The following NBEA variants were observed in gnomAD, a reference collection of about 807,000 sequenced individuals.
NBEA encodes the protein neurobeachin.
Under a neutral mutation model 343.4 loss-of-function variants are expected in NBEA, and 44 were observed. The ratio of observed to expected loss-of-function variants is 0.13; its 90% CI spans 0.10 to 0.16. The LOEUF is 0.16. NBEA is among the 10% of genes least tolerant of loss of function. NBEA has a pLI of 1.00. For synonymous variants in NBEA, 1,175 were observed against 1,238.7 expected (o/e 0.95, Z 1.08); for missense variants, 2,555 against 3,631.3 (o/e 0.70, Z 7.62).
chr13:35,318,887 C>T (rs1017679189), intron 36 of NBEA, among the ~76,000 whole-genome samples: 21 of 152,142 alleles, frequency 1.4e-4, no homozygotes, highest in African/African-American at 5.1e-4. Context: ...AGTTTATTTG[C>T]ATAGAGGTGT....
chr13:35,161,709 T>G, intron 22 of NBEA, 41 bp from the exon 23 acceptor site: 1 of 1,484,338 alleles, frequency 6.7e-7, no homozygotes, highest in Non-Finnish European at 9.2e-7. Context: ...AATGAGGCAT[T>G]TCTTTTGTAT....
At chr13:35,440,474 C>T (rs112624082) in intron 39 of NBEA, among the ~76,000 whole-genome samples, 2,225 of 152,126 alleles carry the variant, frequency 0.015, 53 homozygotes, top group African/African-American at 0.051. Flanking sequence ...TAAAGAGGGT[C>T]GCCTAACTGA....
At position 35,122,822 on chromosome 13, in the gene NBEA, G is replaced by A. The variant is rs2066878491; in HGVS notation, c.2244-660G>A. On this transcript the variant is annotated intron_variant, in intron 16 of 58. Transcript: ENST00000379939. ...AGCTGTTTAATCCTTCCTTCTGTATGTTGACTAGCCTTTCTGAACAGAAAC... is the reference window on the plus strand; with the variant it reads ...AGCTGTTTAATCCTTCCTTCTGTATATTGACTAGCCTTTCTGAACAGAAAC... Among the ~76,000 whole-genome samples, 5 of 152,298 alleles carry A rather than the reference G, an allele frequency of 3.3e-5. No individual in the cohort carries two copies. The South Asian group carries it at 1.0e-3, about 32-fold the overall frequency.
chr13:35,522,833 C>G (rs1012498273), intron 41 of NBEA, among the ~76,000 whole-genome samples: 1 of 152,098 alleles, frequency 6.6e-6, no homozygotes, highest in Non-Finnish European at 1.5e-5. Flanking sequence ...AGTTTAATCC[C>G]CAGACCACCC....
chr13:35,007,249 G>A (rs979071751), intron 1 of NBEA, among the ~76,000 whole-genome samples: 4 of 151,972 alleles, frequency 2.6e-5, no homozygotes, highest in African/African-American at 4.8e-5. Flanking sequence ...AGGTATGATA[G>A]CCCTATTCAT....
rs554893440 is a variant in NBEA, at chr13:35,666,082, G to A, written c.8464+896G>A. ...GAAAGGAGCCCTGGGTGCTGCTGGAGTATCACCGTGGTGCCACAACCTGGA... is the reference window on the plus strand; with the variant it reads ...GAAAGGAGCCCTGGGTGCTGCTGGAATATCACCGTGGTGCCACAACCTGGA... On this transcript the variant is annotated intron_variant, in intron 56 of 58. Transcript: ENST00000379939. Among the ~76,000 whole-genome samples the A allele has an allele frequency of 3.3e-5, 5 of 152,288 alleles. No individual in the cohort carries two copies. In the East Asian group the frequency reaches 9.7e-4, roughly 29 times the overall value.
At chr13:35,326,003 C>A (rs976705592) in intron 36 of NBEA, among the ~76,000 whole-genome samples, 11 of 151,990 alleles carry the variant, frequency 7.2e-5, no homozygotes, top group African/African-American at 2.7e-4. Flanking sequence ...TTATCCCCTT[C>A]CATTGGTTTG....
chr13:35,377,997 C>T (rs2041834775), intron 38 of NBEA, among the ~76,000 whole-genome samples: 1 of 151,902 alleles, frequency 6.6e-6, no homozygotes, highest in South Asian at 2.1e-4. Context: ...AAAATAGAGC[C>T]CTGTCTTAGT....
intron 16 of NBEA, among the ~76,000 whole-genome samples, chr13:35,119,868 C>T (rs1305700372): frequency 6.6e-6 from 1 of 152,164 alleles, no homozygotes; most frequent in Admixed American, 6.5e-5. Flanking sequence ...GGATTACAGG[C>T]GTAAGCCACC....
At chr13:35,388,652 T>C (rs1302240891) in intron 38 of NBEA, among the ~76,000 whole-genome samples, 3 of 152,194 alleles carry the variant, frequency 2.0e-5, no homozygotes, top group African/African-American at 7.2e-5. Flanking sequence ...TTAAGACTGC[T>C]GTGAAGGGTT....
At chr13:35,077,134 A>C (rs1459963244) in intron 10 of NBEA, among the ~76,000 whole-genome samples, 2 of 152,126 alleles carry the variant, frequency 1.3e-5, no homozygotes, top group Non-Finnish European at 2.9e-5. Context: ...TTAGTAAAGC[A>C]TACTAAGGAG....
intron 55 of NBEA, among the ~76,000 whole-genome samples, chr13:35,659,650 C>G (rs2084976843): frequency 6.6e-6 from 1 of 152,076 alleles, no homozygotes; most frequent in Non-Finnish European, 1.5e-5. Context: ...GATATAGAGT[C>G]TCAGACCATA....
intron 34 of NBEA, among the ~76,000 whole-genome samples, chr13:35,279,566 A>G (rs1479228569): frequency 6.6e-6 from 1 of 152,240 alleles, no homozygotes; most frequent in Non-Finnish European, 1.5e-5. Flanking sequence ...TCAGATTATT[A>G]GCAATAGTCA....
intron 41 of NBEA, among the ~76,000 whole-genome samples, chr13:35,530,348 C>G (rs1052359869): frequency 4.6e-5 from 7 of 152,160 alleles, no homozygotes; most frequent in African/African-American, 1.7e-4. Flanking sequence ...GCGGCCTGTC[C>G]CCAGTGCTTG....
At chr13:35,114,125 G>T (rs2066375623) in intron 13 of NBEA, among the ~76,000 whole-genome samples, 1 of 152,140 alleles carries the variant, frequency 6.6e-6, no homozygotes, top group Admixed American at 6.6e-5. Context: ...GATGTGAGGT[G>T]TGCTTCTTGG....
chr13:35,418,134 G>T (rs2044048791), intron 38 of NBEA, among the ~76,000 whole-genome samples: 1 of 151,968 alleles, frequency 6.6e-6, no homozygotes, highest in Non-Finnish European at 1.5e-5. Flanking sequence ...CTATGTGTGT[G>T]TCTGCATGTG....
At chr13:34,980,734 G>C (rs2152506482) in intron 1 of NBEA, among the ~76,000 whole-genome samples, 1 of 152,208 alleles carries the variant, frequency 6.6e-6, no homozygotes, top group East Asian at 1.9e-4. Flanking sequence ...TTACAATTAA[G>C]ATGTTAGCTA....
intron 38 of NBEA, among the ~76,000 whole-genome samples, chr13:35,389,002 A>T (rs980592272): frequency 8.6e-5 from 13 of 151,370 alleles, no homozygotes. Context: ...ACTTCTTGAA[A>T]AGTCTGGCGG....
At chr13:34,996,152 G>T (rs2152520678) in intron 1 of NBEA, among the ~76,000 whole-genome samples, 1 of 152,210 alleles carries the variant, frequency 6.6e-6, no homozygotes, top group South Asian at 2.1e-4. Flanking sequence ...TCTTGAATGT[G>T]CAAATTACAA....
Sources: allele counts gnomAD v4.1 joint callset (sites outside exome capture counted in the v4.1 genomes callset), GRCh38; gene constraint gnomAD v4.1.1; transcripts MANE v1.5; gene names NCBI Gene and HGNC (gene_info 2026-07-23, HGNC 2026-07-21).